IFFO2: variants seen among roughly 807,000 people sequenced by gnomAD.
IFFO2 encodes intermediate filament family orphan 2.
In IFFO2, 19 loss-of-function variants were observed where a neutral mutation model predicts 53.5. The ratio of observed to expected loss-of-function variants is 0.36; its 90% CI spans 0.25 to 0.52. IFFO2 has a LOEUF of 0.52. IFFO2 is among the 20% of genes least tolerant of loss of function. The pLI is 0.94. For missense variants in IFFO2, 570 were observed against 727.4 expected (o/e 0.78, Z 2.49); for synonymous variants, 303 against 313.6 (o/e 0.97, Z 0.36).
In IFFO2 at chr1:18,918,542, G is replaced by A. The variant is rs528376751; in HGVS notation, c.823-40C>T. On this transcript the variant is annotated intron_variant, in intron 3 of 8. Transcript: ENST00000455833. This position sits in a 1 kb window ranked among gnomAD's most constrained non-coding sequence, Gnocchi z 5.2. ...GCAGGGTTTACATGAGCGAGGGATG[G>A]AGCAAGCCTGGGGGGCTTGGCAGAG... 2 of 1,548,334 alleles carry A rather than the reference G, an allele frequency of 1.3e-6. No homozygotes were observed. The highest frequency in any genetic ancestry group is 1.4e-5 in the African/African-American group (1 of 73,050).
chr1:18,925,227 G>A lies in IFFO2; in HGVS notation c.666-4106C>T, dbSNP rs376381430. ...GTTGCAGATGAGGCTCAGAGGTCAGGTAACTCATTTCCCCTCTTCCTCTCT... is the reference window on the plus strand; with the variant it reads ...GTTGCAGATGAGGCTCAGAGGTCAGATAACTCATTTCCCCTCTTCCTCTCT... On this transcript the variant is annotated intron_variant, in intron 1 of 8. Transcript: ENST00000455833. Among the ~76,000 whole-genome samples, 8 of 152,144 alleles carry A rather than the reference G, an allele frequency of 5.3e-5. No homozygotes were observed. In the East Asian group the frequency reaches 1.5e-3, roughly 29 times the overall value.
Position 18,956,296 on chromosome 1 carries a change from C to T in IFFO2, c.37G>A (p.Ala13Thr). ...NSLLFGEMAL[A>T]FGCPPGGGGG... The stretch of plus-strand genomic sequence containing the variant: ...CCGCCGCCCGGCGGGCAGCCGAAGG[C>T]CAAGGCCATCTCCCCGAACAGCAGC... Residue 13 changes from alanine to threonine, a missense_variant, in exon 1 of 9, where the codon GCC (alanine) becomes ACC (threonine). Transcript: ENST00000455833. The surrounding 1 kb of genome is among the most constrained non-coding windows in gnomAD (Gnocchi z 6.4). 1 of 556,100 alleles carries T rather than the reference C, an allele frequency of 1.8e-6. No individual in the cohort carries two copies. The highest frequency in any genetic ancestry group is 2.4e-6 in the Non-Finnish European group (1 of 408,966). The allele number at this position is 556,100 out of a possible 1,614,324, so 34.4% of individuals were successfully genotyped here.
chr1:18,916,887 C>T lies in IFFO2; in HGVS notation c.1103+16G>A. 6.4e-7 allele frequency: 1 copy of T among 1,551,466 alleles called. No individual in the cohort carries two copies. The stretch of plus-strand genomic sequence containing the variant: ...TCCGGGGAAACGGAGAGTGTGCGGG[C>T]CACGGGGATACTCACAGCTGGTTAA... On this transcript the variant is annotated intron_variant, in intron 5 of 8. Coordinates refer to ENST00000455833, the MANE Select transcript of IFFO2 (RefSeq NM_001136265.2). This position sits in a 1 kb window ranked among gnomAD's most constrained non-coding sequence, Gnocchi z 4.3.
At chr1:18,929,450 A>G (rs1273114813) in intron 1 of IFFO2, among the ~76,000 whole-genome samples, 1 of 152,190 alleles carries the variant, frequency 6.6e-6, no homozygotes, top group African/African-American at 2.4e-5. Flanking sequence ...CAACTGAGAG[A>G]GGCAGCACTG....
chr1:18,914,747 C>G (rs1363299657), intron 5 of IFFO2, among the ~76,000 whole-genome samples: 1 of 148,620 alleles, frequency 6.7e-6, no homozygotes, highest in African/African-American at 2.5e-5. Context: ...TGCTTGAACC[C>G]AGGAGGTGGA....
intron 1 of IFFO2, 45 bp downstream of exon 1, chr1:18,955,623 C>T (rs777159379): frequency 1.1e-5 from 16 of 1,522,516 alleles, no homozygotes; most frequent in Middle Eastern, 2.3e-4. Context: ...CAGCCTGGAC[C>T]TGGGCGCCCC....
chr1:18,933,428 G>T (rs1315765048), intron 1 of IFFO2, among the ~76,000 whole-genome samples: 1 of 152,226 alleles, frequency 6.6e-6, no homozygotes, highest in African/African-American at 2.4e-5. Flanking sequence ...GACGTGGGTG[G>T]CTGGGGATTA....
Position 18,947,152 on chromosome 1 carries a change from C to T in IFFO2, c.665+8516G>A, listed in dbSNP as rs531606526. 9.8e-5 allele frequency among the ~76,000 whole-genome samples: 15 copies of T among 152,364 alleles called. No homozygotes were observed. The South Asian group carries it at 2.9e-3, about 29-fold the overall frequency. On this transcript the variant is annotated intron_variant, in intron 1 of 8. Transcript: ENST00000455833. The surrounding 1 kb of genome is among the most constrained non-coding windows in gnomAD (Gnocchi z 5.0). Reference sequence around the variant, plus strand: ...CACCCAGCAGTCTCATCTTCCCCAACAAGAGGCACCAAACGATTGTAACAA... The same window carrying T: ...CACCCAGCAGTCTCATCTTCCCCAATAAGAGGCACCAAACGATTGTAACAA...
At chr1:18,932,927 T>G (rs772780854) in intron 1 of IFFO2, among the ~76,000 whole-genome samples, 1 of 152,192 alleles carries the variant, frequency 6.6e-6, no homozygotes, top group East Asian at 1.9e-4. Flanking sequence ...AGAGCCTTCA[T>G]GAGCGAGCGT....
chr1:18,935,742 G>A (rs1023012115), intron 1 of IFFO2, among the ~76,000 whole-genome samples: 1 of 150,716 alleles, frequency 6.6e-6, no homozygotes, highest in South Asian at 2.1e-4. Flanking sequence ...GTGTGCCCAG[G>A]CTGGAGCACA....
Position 18,918,322 on chromosome 1 carries a change from G to A in IFFO2, c.963+40C>T, listed in dbSNP as rs77606720. On this transcript the variant is annotated intron_variant, in intron 4 of 8. Transcript: ENST00000455833. The surrounding 1 kb of genome is among the most constrained non-coding windows in gnomAD (Gnocchi z 5.2). Reference sequence around the variant, plus strand: ...GGTGGAGGCCAGGGCTGCTCTGGGAGAGTGGGGGGTTGGCTGGTGAGCAGG... The same window carrying A: ...GGTGGAGGCCAGGGCTGCTCTGGGAAAGTGGGGGGTTGGCTGGTGAGCAGG... 2.0e-5 allele frequency: 31 copies of A among 1,539,036 alleles called. 1 individual carries two copies. The South Asian group carries it at 3.6e-4, about 18-fold the overall frequency.
chr1:18,919,674 TTACG>T lies in IFFO2; in HGVS notation c.822_822+3del, dbSNP rs1472099667. On this transcript the variant is annotated splice_donor_variant and splice_donor_region_variant and coding_sequence_variant and intron_variant, in exon 3 of 9. Transcript: ENST00000455833. LOFTEE classifies it high-confidence loss of function. The surrounding 1 kb of genome is among the most constrained non-coding windows in gnomAD (Gnocchi z 4.9). Reference sequence around the variant, plus strand: ...GACACCCAGGGGCGGCGGGCGGCACTTACGTCACTCATAAGCCCCTTAAACACCA... The same window carrying T: ...GACACCCAGGGGCGGCGGGCGGCACTTCACTCATAAGCCCCTTAAACACCA... 4 of 1,549,828 alleles carry T rather than the reference TTACG, an allele frequency of 2.6e-6. No homozygotes were observed. In the African/African-American group the frequency reaches 5.5e-5, roughly 21 times the overall value.
chr1:18,919,834 T>A lies in IFFO2; in HGVS notation c.727-61A>T. 8.2e-7 allele frequency: 1 copy of A among 1,221,838 alleles called. No individual in the cohort carries two copies. Among genetic ancestry groups the A allele is most frequent in the African/African-American group, 1.5e-5 (1 of 66,642 alleles). 75.7% of individuals were successfully genotyped at this position (1,221,838 alleles called of 1,614,324 possible). On this transcript the variant is annotated intron_variant, in intron 2 of 8. Coordinates refer to ENST00000455833, the MANE Select transcript of IFFO2 (RefSeq NM_001136265.2). This position sits in a 1 kb window ranked among gnomAD's most constrained non-coding sequence, Gnocchi z 4.9. ...CGGGTCCTCTGGGGATAGGAGGGTC[T>A]GGACACCTGAGTCCAGAGCCCTAGG...
chr1:18,941,433 C>T (rs769898317), intron 1 of IFFO2, among the ~76,000 whole-genome samples: 10 of 152,206 alleles, frequency 6.6e-5, no homozygotes, highest in Non-Finnish European at 1.3e-4. Context: ...GCTGCCCTGA[C>T]GTCAACTCTG....
Position 18,956,045 on chromosome 1 carries a change from C to A in IFFO2, c.288G>T (p.Leu96=). The A allele has an allele frequency of 6.8e-7, 1 of 1,476,536 alleles. No homozygotes were observed. Among genetic ancestry groups the A allele is most frequent in the Non-Finnish European group, 9.1e-7 (1 of 1,102,732 alleles). The allele number at this position is 1,476,536 out of a possible 1,614,324, so 91.5% of individuals were successfully genotyped here. A position where few individuals can be genotyped will look rare whatever the true frequency, so the allele number is the denominator to read the frequency against. ...GCTCGCGGGAGAAGGTCTTGTAGCG[C>A]AGCCGCCGCTCGCGCTCGCTCTGCT... is the stretch of plus-strand genomic sequence containing the variant. ...EQQQSERERR[L]RYKTFSREQA... is the part of the protein sequence containing the mutation. The change falls in exon 1 of 9, where the codon CTG becomes CTT. Residue 96 remains leucine (L), a synonymous_variant. Coordinates refer to ENST00000455833, the MANE Select transcript of IFFO2 (RefSeq NM_001136265.2). The surrounding 1 kb of genome is among the most constrained non-coding windows in gnomAD (Gnocchi z 6.4).
chr1:18,943,220 T>A (rs55793595), intron 1 of IFFO2, among the ~76,000 whole-genome samples: 5,356 of 151,300 alleles, frequency 0.035, 208 homozygotes, highest in African/African-American at 0.095. Context: ...TTATTTTTTT[T>A]AAAAAAAAAT....
At chr1:18,929,070 C>T (rs1167601526) in intron 1 of IFFO2, among the ~76,000 whole-genome samples, 2 of 152,292 alleles carry the variant, frequency 1.3e-5, no homozygotes, top group East Asian at 1.9e-4. Flanking sequence ...GGGCTTGCCA[C>T]GAGCCCCGCA....
In IFFO2 at chr1:18,955,910, G is replaced by T; in HGVS notation, c.423C>A (p.Gly141=). 1.5e-6 allele frequency: 2 copies of T among 1,333,526 alleles called. No individual in the cohort carries two copies. Among genetic ancestry groups the T allele is most frequent in the Non-Finnish European group, 9.5e-7 (1 of 1,051,340 alleles). 82.6% of individuals were successfully genotyped at this position (1,333,526 alleles called of 1,614,324 possible). A position where few individuals can be genotyped will look rare whatever the true frequency, so the allele number is the denominator to read the frequency against. Residue 141 remains glycine (G), a synonymous_variant, in exon 1 of 9, where the codon GGC becomes GGA. Transcript: ENST00000455833. ...GCGAGCCGCCGCCGGGGGGCAGGCC[G>T]CCCAGGGCCACGGCATTGGCGTTGG... ...AGANANAVAL[G]GLPPGGGSHP...
chr1:18,931,922 A>G (rs951542371), intron 1 of IFFO2, among the ~76,000 whole-genome samples: 2 of 152,240 alleles, frequency 1.3e-5, no homozygotes, highest in African/African-American at 2.4e-5. Flanking sequence ...ATGGGGTCAC[A>G]GTCACTGACC....
Sources: gnomAD v4.1 joint callset for allele counts (sites outside exome capture counted in the v4.1 genomes callset) on GRCh38, gnomAD v4.1.1 for gene constraint, Gnocchi (gnomAD v3.1) non-coding constraint, MANE v1.5 for transcripts, NCBI Gene and HGNC (gene_info 2026-07-23, HGNC 2026-07-21) for gene names.